The following TENM4 variants were observed in gnomAD, a reference collection of about 807,000 sequenced individuals.
TENM4 encodes the protein teneurin-4.
Under a neutral mutation model 243.3 loss-of-function variants are expected in TENM4, and 82 were observed. That is an observed-to-expected ratio of 0.34 (90% CI 0.28 to 0.40). The LOEUF (loss-of-function observed/expected upper bound fraction) is 0.40. Among genes scored for constraint, TENM4 ranks in the 10% least tolerant of loss-of-function variants. The pLI, the probability that TENM4 is intolerant of heterozygous loss-of-function variation, is 1.00. For synonymous variants in TENM4, 1,412 were observed against 1,456.3 expected (o/e 0.97, Z 0.69); for missense variants, 3,138 against 3,673.3 (o/e 0.85, Z 3.77).
chr11:79,240,046 G>C (rs1011546889), intron 2 of TENM4, among the ~76,000 whole-genome samples: 6 of 152,266 alleles, frequency 3.9e-5, no homozygotes, highest in East Asian at 3.9e-4. Context: ...GTGGTAAAGT[G>C]CTCTAGAGCC....
intron 19 of TENM4, among the ~76,000 whole-genome samples, chr11:78,755,615 G>A (rs1856288514): frequency 6.6e-6 from 1 of 152,122 alleles, no homozygotes; most frequent in African/African-American, 2.4e-5. Context: ...CTACTGTGGT[G>A]TGTCCCTTTA....
At chr11:78,870,510 G>A (rs1591086107) in intron 9 of TENM4, among the ~76,000 whole-genome samples, 1 of 152,228 alleles carries the variant, frequency 6.6e-6, no homozygotes, top group South Asian at 2.1e-4. Flanking sequence ...ACTACGTGGG[G>A]GTAATTTTTA....
At chr11:79,004,855 G>T (rs1381944537) in intron 6 of TENM4, among the ~76,000 whole-genome samples, 1 of 147,340 alleles carries the variant, frequency 6.8e-6, no homozygotes, top group Non-Finnish European at 1.5e-5. Flanking sequence ...TGCTAGCTAG[G>T]CTAATAAAGA....
At chr11:78,812,863 G>T (rs1262504210) in intron 13 of TENM4, among the ~76,000 whole-genome samples, 1 of 152,112 alleles carries the variant, frequency 6.6e-6, no homozygotes, top group Non-Finnish European at 1.5e-5. Flanking sequence ...GCTCTTTAAA[G>T]TATTATCTTT....
intron 20 of TENM4, among the ~76,000 whole-genome samples, chr11:78,738,187 C>T (rs1411388280): frequency 2.0e-5 from 3 of 152,172 alleles, no homozygotes; most frequent in Non-Finnish European, 4.4e-5. Flanking sequence ...TATCATAAGT[C>T]ATGGAGCAGG....
chr11:79,154,833 A>G (rs949544367), intron 3 of TENM4, among the ~76,000 whole-genome samples: 5 of 152,184 alleles, frequency 3.3e-5, no homozygotes, highest in Admixed American at 6.5e-5. Flanking sequence ...AGCCCTCTGA[A>G]GCAGGCCCAC....
chr11:79,428,583 A>G (rs191132005), intron 1 of TENM4, among the ~76,000 whole-genome samples: 1 of 152,304 alleles, frequency 6.6e-6, no homozygotes, highest in Non-Finnish European at 1.5e-5. Flanking sequence ...AAAAGAAACA[A>G]AAGTAGGTCA....
intron 26 of TENM4, among the ~76,000 whole-genome samples, chr11:78,709,025 T>G (rs1945466): frequency 6.6e-6 from 1 of 150,476 alleles, no homozygotes; most frequent in Non-Finnish European, 1.5e-5. Context: ...TGTAGTGCAG[T>G]GGCGCGATCT....
intron 1 of TENM4, among the ~76,000 whole-genome samples, chr11:79,403,842 C>A (rs1170026544): frequency 6.6e-6 from 1 of 152,154 alleles, no homozygotes; most frequent in Non-Finnish European, 1.5e-5. Flanking sequence ...GTTCACCAGT[C>A]TTATCTCATT....
chr11:78,805,277 T>TACCCA lies in TENM4; in HGVS notation c.2179+14_2179+15insTGGGT. The TACCCA allele has an allele frequency of 7.1e-7, 1 of 1,402,550 alleles. No homozygotes were observed. Among genetic ancestry groups the TACCCA allele is most frequent in the Non-Finnish European group, 9.7e-7 (1 of 1,033,116 alleles). The allele number at this position is 1,402,550 out of a possible 1,614,324, so 86.9% of individuals were successfully genotyped here. A position where few individuals can be genotyped will look rare whatever the true frequency, so the allele number is the denominator to read the frequency against. ...CCCCTCCCTCTACCCATGCTTCTTCTCCCCCTGCATTTACCGATAGAACAG... is the reference window on the plus strand; with the variant it reads ...CCCCTCCCTCTACCCATGCTTCTTCTACCCACCCCCTGCATTTACCGATAGAACAG... On this transcript the variant is annotated intron_variant, in intron 15 of 33. Coordinates refer to ENST00000278550, the MANE Select transcript of TENM4 (RefSeq NM_001098816.3).
In TENM4 at chr11:79,313,195, T is replaced by A. The variant is rs186245292; in HGVS notation, c.-320-15652A>T. 4.6e-5 allele frequency among the ~76,000 whole-genome samples: 7 copies of A among 151,994 alleles called. No homozygotes were observed. In the East Asian group the frequency reaches 1.4e-3, roughly 29 times the overall value. ...CCTCAGATTACAAAATGGAAGGGAG[T>A]TTCTAGTGTTTGAGAATGCTATTCC... On this transcript the variant is annotated intron_variant, in intron 1 of 33. Transcript: ENST00000278550.
At chr11:79,120,720 G>A (rs1471770988) in intron 4 of TENM4, among the ~76,000 whole-genome samples, 2 of 152,202 alleles carry the variant, frequency 1.3e-5, no homozygotes, top group Non-Finnish European at 2.9e-5. Context: ...GGAGATTTTG[G>A]ACATGCTCTA....
intron 12 of TENM4, among the ~76,000 whole-genome samples, chr11:78,816,449 C>T (rs756698120): frequency 1.3e-5 from 2 of 152,324 alleles, no homozygotes; most frequent in Middle Eastern, 3.4e-3. Context: ...ATTTTTGTGG[C>T]GACTCTAGCT....
chr11:79,360,703 C>T (rs188975394), intron 1 of TENM4, among the ~76,000 whole-genome samples: 31 of 152,210 alleles, frequency 2.0e-4, no homozygotes, highest in Admixed American at 1.8e-3. Flanking sequence ...CCAATTCTCT[C>T]GAGACTTTAT....
intron 16 of TENM4, among the ~76,000 whole-genome samples, chr11:78,781,367 A>G (rs921468635): frequency 1.3e-5 from 2 of 152,114 alleles, no homozygotes; most frequent in African/African-American, 4.8e-5. Flanking sequence ...TTTCTTTGGC[A>G]TTGTACAAAT....
intron 4 of TENM4, among the ~76,000 whole-genome samples, chr11:79,144,441 AG>A (rs1428340495): frequency 6.6e-6 from 1 of 152,080 alleles, no homozygotes; most frequent in Non-Finnish European, 1.5e-5. Context: ...CATACCCCAA[AG>A]AAAGGAAATC....
At chr11:79,025,211 G>T (rs1859043358) in intron 6 of TENM4, among the ~76,000 whole-genome samples, 1 of 152,064 alleles carries the variant, frequency 6.6e-6, no homozygotes, top group South Asian at 2.1e-4. Context: ...TCATATTCAT[G>T]TCTATTTCCC....
chr11:79,417,669 C>T (rs1388303273), intron 1 of TENM4, among the ~76,000 whole-genome samples: 3 of 151,930 alleles, frequency 2.0e-5, no homozygotes, highest in African/African-American at 7.3e-5. Context: ...CATCCCTGCT[C>T]ATACTTGCAA....
intron 1 of TENM4, among the ~76,000 whole-genome samples, chr11:79,437,482 G>T (rs1413219950): frequency 6.6e-6 from 1 of 152,120 alleles, no homozygotes; most frequent in African/African-American, 2.4e-5. Flanking sequence ...CCTGGAACGC[G>T]GTCTTCTCGG....
Sources: allele counts gnomAD v4.1 joint callset (sites outside exome capture counted in the v4.1 genomes callset), GRCh38; gene constraint gnomAD v4.1.1; transcripts MANE v1.5; gene names NCBI Gene and HGNC (gene_info 2026-07-23, HGNC 2026-07-21).